NDUFS6: variants seen among roughly 807,000 people sequenced by gnomAD.
NDUFS6 encodes the protein NADH:ubiquinone oxidoreductase subunit S6.
NDUFS6 carries 14 observed loss-of-function variants against 13.2 expected under a neutral mutation model. The observed-to-expected ratio is 1.06, with a 90% confidence interval of 0.70 to 1.66. The LOEUF is 1.66. Among genes scored for constraint, NDUFS6 ranks in the 40% most tolerant of loss-of-function variants. The pLI is 0.00. For missense variants in NDUFS6, 206 were observed against 170.8 expected (o/e 1.21, Z -1.15); for synonymous variants, 95 against 72.3 (o/e 1.31, Z -1.60).
chr5:1,809,052 A>T (rs1354981137), intron 2 of NDUFS6, among the ~76,000 whole-genome samples: 2 of 152,210 alleles, frequency 1.3e-5, no homozygotes, highest in Non-Finnish European at 2.9e-5. Flanking sequence ...TTTATCTTTA[A>T]TAGATGTAAT....
intron 2 of NDUFS6, among the ~76,000 whole-genome samples, chr5:1,808,884 G>A (rs1734168671): frequency 6.6e-6 from 1 of 152,048 alleles, no homozygotes; most frequent in Admixed American, 6.5e-5. Context: ...AATGCCTGAT[G>A]TTCTAAATAA....
At chr5:1,804,019 G>A (rs1206329756) in intron 2 of NDUFS6, among the ~76,000 whole-genome samples, 1 of 152,200 alleles carries the variant, frequency 6.6e-6, no homozygotes, top group East Asian at 1.9e-4. Context: ...GGGAGGGTTC[G>A]CAGGCCCTTT....
At chr5:1,801,629 C>A (rs554184732) in intron 1 of NDUFS6, 80 bp downstream of exon 1, 1 of 1,505,504 alleles carries the variant, frequency 6.6e-7, no homozygotes, top group African/African-American at 1.4e-5. Flanking sequence ...GCCGGGCATC[C>A]GCGGCCCTGG....
chr5:1,815,492 C>T (rs4147774), intron 3 of NDUFS6, among the ~76,000 whole-genome samples: 11,203 of 152,302 alleles, frequency 0.074, 539 homozygotes, highest in Admixed American at 0.13. Flanking sequence ...ACTGGGCACC[C>T]GGCATGTCCC....
chr5:1,810,778 G>A (rs1330591735), intron 2 of NDUFS6, among the ~76,000 whole-genome samples: 3 of 151,906 alleles, frequency 2.0e-5, no homozygotes, highest in Non-Finnish European at 4.4e-5. Flanking sequence ...TGTCGGAGTG[G>A]CCAGTCTGGC....
At chr5:1,813,072 G>A (rs985897889) in intron 2 of NDUFS6, among the ~76,000 whole-genome samples, 2 of 152,112 alleles carry the variant, frequency 1.3e-5, no homozygotes, top group African/African-American at 2.4e-5. Context: ...AAGAAAGGGT[G>A]TGTGTGAACA....
chr5:1,815,985 G>C lies in NDUFS6; in HGVS notation c.*69G>C. 1 of 1,527,672 alleles carries C rather than the reference G, an allele frequency of 6.5e-7. No individual in the cohort carries two copies. Among genetic ancestry groups the C allele is most frequent in the Non-Finnish European group, 9.1e-7 (1 of 1,101,012 alleles). 94.6% of individuals were successfully genotyped at this position (1,527,672 alleles called of 1,614,324 possible). On this transcript the variant is annotated 3_prime_UTR_variant, in exon 4 of 4. Transcript: ENST00000274137. ...TCCGCGGGGAAGCTGAGCACGTGAA[G>C]CTCGCTGGTTCTGTGCGAAGGGTAT...
rs1734283798 is a variant in NDUFS6 at position 1,814,897 on chromosome 5, C to T, written c.309+436C>T. 6.6e-6 allele frequency among the ~76,000 whole-genome samples: 1 copy of T among 152,196 alleles called. No homozygotes were observed. Among genetic ancestry groups the T allele is most frequent in the Non-Finnish European group, 1.5e-5 (1 of 68,042 alleles). On this transcript the variant is annotated intron_variant, in intron 3 of 3. Transcript: ENST00000274137. This position sits in a 1 kb window ranked among gnomAD's most constrained non-coding sequence, Gnocchi z 4.9. ...TCGCTCCGGGGCTTGCAGATGAGGT[C>T]TCCTCCCTGTGTCTTCACAGGGCCG...
At chr5:1,808,396 A>G (rs970380103) in intron 2 of NDUFS6, among the ~76,000 whole-genome samples, 1 of 152,218 alleles carries the variant, frequency 6.6e-6, no homozygotes, top group Non-Finnish European at 1.5e-5. Context: ...CTGGATGGAT[A>G]AGAACCGTGG....
chr5:1,802,398 G>C (rs377696399), intron 2 of NDUFS6, 24 bp downstream of exon 2: 1 of 1,602,954 alleles, frequency 6.2e-7, no homozygotes, highest in East Asian at 2.2e-5. Context: ...CTAGTGAAGA[G>C]AGGTAAGCTT....
rs567848522 is a variant in NDUFS6 at position 1,813,068 on chromosome 5, G to A, written c.187-1271G>A. 2.4e-4 allele frequency among the ~76,000 whole-genome samples: 37 copies of A among 152,240 alleles called. 1 individual carries two copies. In the East Asian group the frequency reaches 6.9e-3, roughly 29 times the overall value. Reference sequence around the variant, plus strand: ...CTCTGTCTCAAAAAAAGAAAAGAAAGGGTGTGTGTGAACATCAGACATGGG... The same window carrying A: ...CTCTGTCTCAAAAAAAGAAAAGAAAAGGTGTGTGTGAACATCAGACATGGG... On this transcript the variant is annotated intron_variant, in intron 2 of 3. Transcript: ENST00000274137.
chr5:1,809,309 C>T (rs1291055656), intron 2 of NDUFS6, among the ~76,000 whole-genome samples: 1 of 152,178 alleles, frequency 6.6e-6, no homozygotes, highest in Non-Finnish European at 1.5e-5. Flanking sequence ...AGTGCAGCAG[C>T]GCTCTTCAGT....
Position 1,814,216 on chromosome 5 carries a change from G to A in NDUFS6, c.187-123G>A. On this transcript the variant is annotated intron_variant, in intron 2 of 3. Coordinates refer to ENST00000274137, the MANE Select transcript of NDUFS6 (RefSeq NM_004553.6). The surrounding 1 kb of genome is among the most constrained non-coding windows in gnomAD (Gnocchi z 4.9). ...TTTAATAAGGTCTACAATGATAATA[G>A]TTAAATGAAGCATGCACCATAGATT... The A allele has an allele frequency of 3.7e-6, 5 of 1,366,082 alleles. No homozygotes were observed. Among genetic ancestry groups the A allele is most frequent in the Non-Finnish European group, 4.2e-6 (4 of 962,630 alleles). The allele number at this position is 1,366,082 out of a possible 1,614,324, so 84.6% of individuals were successfully genotyped here.
At chr5:1,809,721 C>T (rs1004367473) in intron 2 of NDUFS6, among the ~76,000 whole-genome samples, 2 of 152,234 alleles carry the variant, frequency 1.3e-5, no homozygotes, top group African/African-American at 4.8e-5. Flanking sequence ...TAGGCAGACA[C>T]CATATTATTT....
In NDUFS6 at chr5:1,814,949, CTCT is replaced by C. The variant is rs1561108416; in HGVS notation, c.309+493_309+495del. 6.6e-6 allele frequency among the ~76,000 whole-genome samples: 1 copy of C among 152,168 alleles called. No homozygotes were observed. Among genetic ancestry groups the C allele is most frequent in the African/African-American group, 2.4e-5 (1 of 41,432 alleles). ...CCCTCTGTGGGAGACTCCTCATCCC[CTCT>C]TCTTATAAGGGCACCAGGCAGATTG... On this transcript the variant is annotated intron_variant, in intron 3 of 3. Transcript: ENST00000274137. This position sits in a 1 kb window ranked among gnomAD's most constrained non-coding sequence, Gnocchi z 4.9.
chr5:1,814,681 C>T lies in NDUFS6; in HGVS notation c.309+220C>T, dbSNP rs926126538. The T allele has an allele frequency of 9.3e-6, 7 of 749,862 alleles. No homozygotes were observed. The highest frequency in any genetic ancestry group is 4.0e-5 in the Admixed American group (2 of 50,052). 46.5% of individuals were successfully genotyped at this position (749,862 alleles called of 1,614,324 possible). ...CCCCTTTCAACTGTGAAGTGGTGGG[C>T]GGCATGTTTCTCTTCTCGGACGCCC... On this transcript the variant is annotated intron_variant, in intron 3 of 3. Transcript: ENST00000274137. The surrounding 1 kb of genome is among the most constrained non-coding windows in gnomAD (Gnocchi z 4.9).
At chr5:1,810,211 G>C (rs942879601) in intron 2 of NDUFS6, among the ~76,000 whole-genome samples, 5 of 152,206 alleles carry the variant, frequency 3.3e-5, no homozygotes, top group Admixed American at 2.6e-4. Context: ...AAAGTTTCAG[G>C]CTGTGCCATT....
At chr5:1,808,591 C>G (rs1429709458) in intron 2 of NDUFS6, among the ~76,000 whole-genome samples, 1 of 152,206 alleles carries the variant, frequency 6.6e-6, no homozygotes, top group African/African-American at 2.4e-5. Flanking sequence ...TGCAGCTCCC[C>G]AGCTTCGTCT....
rs1275481881 is a variant in NDUFS6 at position 1,803,373 on chromosome 5, A to T, written c.186+999A>T. Among the ~76,000 whole-genome samples, 3 of 152,188 alleles carry T rather than the reference A, an allele frequency of 2.0e-5. No homozygotes were observed. The East Asian group carries it at 5.8e-4, about 29-fold the overall frequency. ...GAGTGTTGGGTTGAGAAAGATCCTG[A>T]GGCCTGATGCACATTCAGTGGAAGA... On this transcript the variant is annotated intron_variant, in intron 2 of 3. Coordinates refer to ENST00000274137, the MANE Select transcript of NDUFS6 (RefSeq NM_004553.6).
Sources: allele counts gnomAD v4.1 joint callset (sites outside exome capture counted in the v4.1 genomes callset), GRCh38; gene constraint gnomAD v4.1.1; non-coding constraint Gnocchi (gnomAD v3.1); transcripts MANE v1.5; gene names NCBI Gene and HGNC (gene_info 2026-07-23, HGNC 2026-07-21).